GRIK3: variants seen among roughly 807,000 people sequenced by gnomAD.
The protein encoded by GRIK3 is glutamate ionotropic receptor kainate type subunit 3.
A neutral mutation model predicts 102.5 loss-of-function variants in GRIK3; 29 were observed. That is an observed-to-expected ratio of 0.28 (90% CI 0.21 to 0.39). GRIK3 has a LOEUF of 0.39. GRIK3 is among the 10% of genes least tolerant of loss of function. The probability of loss-of-function intolerance (pLI) is 1.00; values close to 1 mark genes in which losing one functional copy is unlikely to be tolerated. For missense variants in GRIK3, 908 were observed against 1,252.4 expected, an observed-to-expected ratio of 0.73 and a Z score of 4.15; for synonymous variants, 511 against 504.9, an observed-to-expected ratio of 1.01 and a Z score of -0.16.
intron 1 of GRIK3, among the ~76,000 whole-genome samples, chr1:36,943,874 T>G (rs1006906000): frequency 1.3e-5 from 2 of 152,250 alleles, no homozygotes; most frequent in Non-Finnish European, 2.9e-5. Context: ...TGCCCAACCA[T>G]GAGCTGGTCT....
At chr1:36,940,000 T>C (rs776817249) in intron 1 of GRIK3, among the ~76,000 whole-genome samples, 1 of 152,204 alleles carries the variant, frequency 6.6e-6, no homozygotes, top group Non-Finnish European at 1.5e-5. Flanking sequence ...TAGGCACTAT[T>C]CTCGGAGCTG....
chr1:36,909,649 C>T (rs2124293688), intron 1 of GRIK3, among the ~76,000 whole-genome samples: 1 of 152,150 alleles, frequency 6.6e-6, no homozygotes, highest in South Asian at 2.1e-4. Flanking sequence ...ATTTGCATCA[C>T]TGGGCTCTGA....
intron 1 of GRIK3, among the ~76,000 whole-genome samples, chr1:37,001,636 C>T (rs1362520965): frequency 2.0e-5 from 3 of 152,310 alleles, no homozygotes; most frequent in Middle Eastern, 6.8e-3. Context: ...GATCCTCCTC[C>T]TTGCCAAAGT....
chr1:36,853,576 T>G (rs750487601), intron 8 of GRIK3, 39 bp downstream of exon 8: 2 of 1,342,804 alleles, frequency 1.5e-6, no homozygotes, highest in Non-Finnish European at 2.1e-6. Flanking sequence ...AAGAAGCCCC[T>G]GCTCCTCCGC....
At chr1:36,978,894 T>C (rs956324878) in intron 1 of GRIK3, among the ~76,000 whole-genome samples, 2 of 152,144 alleles carry the variant, frequency 1.3e-5, no homozygotes, top group African/African-American at 2.4e-5. Context: ...GGAAACAAAC[T>C]CCGCCTCTTG....
At chr1:36,863,849 G>C (rs1288206024) in intron 5 of GRIK3, among the ~76,000 whole-genome samples, 1 of 152,188 alleles carries the variant, frequency 6.6e-6, no homozygotes, top group Non-Finnish European at 1.5e-5. Context: ...AAAGTGGAAA[G>C]AAGGGTCAGC....
At position 36,931,435 on chromosome 1, in the gene GRIK3, T is replaced by C. The variant is rs145935148; in HGVS notation, c.116-40339A>G. Among the ~76,000 whole-genome samples, 10 of 152,346 alleles carry C rather than the reference T, an allele frequency of 6.6e-5. No homozygotes were observed. In the East Asian group the frequency reaches 1.9e-3, roughly 29 times the overall value. On this transcript the variant is annotated intron_variant, in intron 1 of 15. Coordinates refer to ENST00000373091, the MANE Select transcript of GRIK3 (RefSeq NM_000831.4). The stretch of plus-strand genomic sequence containing the variant: ...TCATCACTCTGTTATTTATTCTTCA[T>C]TGTGAATCCTGTTTGTTTCCCTCCT...
chr1:36,871,923 C>T (rs924385013), intron 4 of GRIK3, among the ~76,000 whole-genome samples: 2 of 152,222 alleles, frequency 1.3e-5, no homozygotes, highest in Non-Finnish European at 2.9e-5. Context: ...CTCGTGTCTA[C>T]TCAGCACTCT....
intron 1 of GRIK3, among the ~76,000 whole-genome samples, chr1:37,028,582 C>CTCCCAGAGGAGG (rs1642788708): frequency 1.3e-5 from 2 of 152,222 alleles, no homozygotes; most frequent in Non-Finnish European, 2.9e-5. Flanking sequence ...GATGGCCATC[C>CTCCCAGAGGAGG]TCCCAGAGGA....
chr1:36,870,375 C>T (rs1640830064), intron 4 of GRIK3, among the ~76,000 whole-genome samples: 1 of 152,272 alleles, frequency 6.6e-6, no homozygotes, highest in Non-Finnish European at 1.5e-5. Context: ...TTCTTACCGT[C>T]TGCCATCATG....
At chr1:36,862,461 C>T (rs192079780) in intron 5 of GRIK3, among the ~76,000 whole-genome samples, 51 of 152,214 alleles carry the variant, frequency 3.4e-4, no homozygotes, top group African/African-American at 1.2e-3. Flanking sequence ...AGAATATGAA[C>T]CACACCTAGA....
Position 36,801,751 on chromosome 1 carries a change from T to C in GRIK3, c.*100A>G. 9.6e-7 allele frequency: 1 copy of C among 1,039,318 alleles called. No individual in the cohort carries two copies. The highest frequency in any genetic ancestry group is 1.8e-5 in the South Asian group (1 of 54,716). 64.4% of individuals were successfully genotyped at this position (1,039,318 alleles called of 1,614,324 possible). On this transcript the variant is annotated 3_prime_UTR_variant, in exon 16 of 16. Coordinates refer to ENST00000373091, the MANE Select transcript of GRIK3 (RefSeq NM_000831.4). Reference sequence around the variant, plus strand: ...TGGCCCAACAGGCAGGTGGCAGCTCTGGTCCCCAAGCCCAGTGCGGGGACA... The same window carrying C: ...TGGCCCAACAGGCAGGTGGCAGCTCCGGTCCCCAAGCCCAGTGCGGGGACA...
chr1:36,804,055 T>C (rs1570733314), intron 15 of GRIK3, among the ~76,000 whole-genome samples: 1 of 152,250 alleles, frequency 6.6e-6, no homozygotes, highest in African/African-American at 2.4e-5. Context: ...CCCTCAGCAA[T>C]GCTGGACAGC....
intron 7 of GRIK3, among the ~76,000 whole-genome samples, chr1:36,856,841 T>C (rs992792112): frequency 2.6e-5 from 4 of 152,076 alleles, no homozygotes; most frequent in Non-Finnish European, 5.9e-5. Flanking sequence ...AGGGGCAAAG[T>C]GTAAACAGGG....
intron 1 of GRIK3, among the ~76,000 whole-genome samples, chr1:36,978,721 T>C (rs1642219258): frequency 6.6e-6 from 1 of 152,194 alleles, no homozygotes; most frequent in South Asian, 2.1e-4. Context: ...TCATCTAACA[T>C]GCACGCCAGG....
chr1:36,909,457 C>A (rs751696782), intron 1 of GRIK3, among the ~76,000 whole-genome samples: 1 of 152,084 alleles, frequency 6.6e-6, no homozygotes, highest in East Asian at 1.9e-4. Context: ...CGCCACCATG[C>A]CTGGCTAATT....
At chr1:36,973,255 G>T (rs145441176) in intron 1 of GRIK3, among the ~76,000 whole-genome samples, 1 of 152,034 alleles carries the variant, frequency 6.6e-6, no homozygotes, top group African/African-American at 2.4e-5. Flanking sequence ...TCCTCCCTGC[G>T]TTGGCGGCGC....
At chr1:36,877,455 C>T (rs1161204546) in intron 3 of GRIK3, among the ~76,000 whole-genome samples, 1 of 152,210 alleles carries the variant, frequency 6.6e-6, no homozygotes, top group Non-Finnish European at 1.5e-5. Flanking sequence ...CCTCCCTGTG[C>T]ATTGCTCTTA....
Position 36,950,058 on chromosome 1 carries a change from G to T in GRIK3, c.116-58962C>A, listed in dbSNP as rs1307724663. ...ATCATACTGGAGTTGCTCTAAAAGTGTGCCAGATCTAGCTTCAGGGTACAC... is the reference window on the plus strand; with the variant it reads ...ATCATACTGGAGTTGCTCTAAAAGTTTGCCAGATCTAGCTTCAGGGTACAC... On this transcript the variant is annotated intron_variant, in intron 1 of 15. Coordinates refer to ENST00000373091, the MANE Select transcript of GRIK3 (RefSeq NM_000831.4). Among the ~76,000 whole-genome samples the T allele has an allele frequency of 2.0e-5, 3 of 152,114 alleles. No homozygotes were observed. The East Asian group carries it at 5.8e-4, about 29-fold the overall frequency.
Sources: allele counts gnomAD v4.1 joint callset (sites outside exome capture counted in the v4.1 genomes callset), GRCh38; gene constraint gnomAD v4.1.1; transcripts MANE v1.5; gene names NCBI Gene and HGNC (gene_info 2026-07-23, HGNC 2026-07-21).